FBXL7: variants seen among roughly 807,000 people sequenced by gnomAD.
FBXL7 encodes the protein F-box and leucine rich repeat protein 7, also known as F-box/LRR-repeat protein 7.
Under a neutral mutation model 38.3 loss-of-function variants are expected in FBXL7, and 12 were observed. The observed-to-expected ratio is 0.31, with a 90% CI of 0.20 to 0.51. FBXL7 has a LOEUF of 0.51. Among genes scored for constraint, FBXL7 ranks in the 20% least tolerant of loss-of-function variants. FBXL7 has a pLI of 0.98. For synonymous variants in FBXL7, 297 were observed against 300.9 expected (o/e 0.99, Z 0.13); for missense variants, 567 against 676.4 (o/e 0.84, Z 1.79).
At chr5:15,777,561 T>A (rs1177281670) in intron 2 of FBXL7, among the ~76,000 whole-genome samples, 1 of 151,858 alleles carries the variant, frequency 6.6e-6, no homozygotes, top group Non-Finnish European at 1.5e-5. Context: ...TTGTCAGACT[T>A]ATAAAATATT....
intron 2 of FBXL7, among the ~76,000 whole-genome samples, chr5:15,751,706 G>A (rs1456594624): frequency 1.3e-5 from 2 of 152,178 alleles, no homozygotes; most frequent in African/African-American, 4.8e-5. Flanking sequence ...ATATGTCAAA[G>A]GGAGGGGTGC....
intron 2 of FBXL7, among the ~76,000 whole-genome samples, chr5:15,729,665 A>G (rs1268894597): frequency 6.6e-6 from 1 of 152,184 alleles, no homozygotes; most frequent in East Asian, 1.9e-4. Flanking sequence ...TTATATATAG[A>G]CAAAAATTTT....
At chr5:15,528,050 A>T (rs191125123) in intron 1 of FBXL7, among the ~76,000 whole-genome samples, 2 of 152,322 alleles carry the variant, frequency 1.3e-5, no homozygotes, top group East Asian at 3.9e-4. Context: ...AATTATTTGG[A>T]TATGCATTTC....
intron 2 of FBXL7, among the ~76,000 whole-genome samples, chr5:15,913,081 T>C (rs1461530753): frequency 6.6e-6 from 1 of 152,152 alleles, no homozygotes; most frequent in East Asian, 1.9e-4. Context: ...CTTGGGTCAC[T>C]GGTTTTTCCA....
At chr5:15,585,391 A>G (rs58390853) in intron 1 of FBXL7, among the ~76,000 whole-genome samples, 3,478 of 152,338 alleles carry the variant, frequency 0.023, 121 homozygotes, top group African/African-American at 0.078. Flanking sequence ...TTCCAGGGAT[A>G]GAAGAGCTAC....
Position 15,938,031 on chromosome 5 carries a change from A to C in FBXL7, c.*845A>C, listed in dbSNP as rs961878880. 6.6e-6 allele frequency: 1 copy of C among 152,238 alleles called. No homozygotes were observed. The highest frequency in any genetic ancestry group is 2.4e-5 in the African/African-American group (1 of 41,446). The allele number at this position is 152,238 out of a possible 1,614,324, so 9.4% of individuals were successfully genotyped here. A position where few individuals can be genotyped will look rare whatever the true frequency, so the allele number is the denominator to read the frequency against. Reference sequence around the variant, plus strand: ...TTTCAGGAGATTGTGCAGTGCCAGCATCAGTGCATAAAGGGTCCTGTATGT... The same window carrying C: ...TTTCAGGAGATTGTGCAGTGCCAGCCTCAGTGCATAAAGGGTCCTGTATGT... On this transcript the variant is annotated 3_prime_UTR_variant, in exon 4 of 4. Coordinates refer to ENST00000504595, the MANE Select transcript of FBXL7 (RefSeq NM_012304.5).
chr5:15,586,594 TG>T (rs1190996051), intron 1 of FBXL7, among the ~76,000 whole-genome samples: 1 of 152,086 alleles, frequency 6.6e-6, no homozygotes, highest in Admixed American at 6.6e-5. Context: ...CTCTAGCTCA[TG>T]TTTCAAAAAA....
At chr5:15,916,997 C>G (rs1033040302) in intron 2 of FBXL7, among the ~76,000 whole-genome samples, 5 of 152,168 alleles carry the variant, frequency 3.3e-5, no homozygotes, top group Non-Finnish European at 7.3e-5. Flanking sequence ...TAGACTCTGC[C>G]TAAATACTCT....
chr5:15,657,722 C>T (rs1741928150), intron 2 of FBXL7, among the ~76,000 whole-genome samples: 1 of 151,946 alleles, frequency 6.6e-6, no homozygotes, highest in Non-Finnish European at 1.5e-5. Flanking sequence ...CCTATAATCC[C>T]AGGTGTTGGG....
chr5:15,813,028 G>A (rs1327583695), intron 2 of FBXL7, among the ~76,000 whole-genome samples: 1 of 152,086 alleles, frequency 6.6e-6, no homozygotes, highest in Non-Finnish European at 1.5e-5. Flanking sequence ...AGGAGATTTT[G>A]GGCTGAGATG....
chr5:15,664,461 T>C (rs1324673687), intron 2 of FBXL7, among the ~76,000 whole-genome samples: 3 of 149,590 alleles, frequency 2.0e-5, no homozygotes, highest in Non-Finnish European at 4.4e-5. Context: ...TTCTCTTTTT[T>C]TCTTTTCCTT....
At chr5:15,694,845 T>C (rs759827281) in intron 2 of FBXL7, among the ~76,000 whole-genome samples, 2 of 152,132 alleles carry the variant, frequency 1.3e-5, no homozygotes. Context: ...TTTGCAACCA[T>C]AAATGGTAAA....
At chr5:15,696,909 C>T (rs1053726993) in intron 2 of FBXL7, among the ~76,000 whole-genome samples, 2 of 152,180 alleles carry the variant, frequency 1.3e-5, no homozygotes, top group African/African-American at 2.4e-5. Flanking sequence ...TGCCCCTCCT[C>T]GCCCTTTCCC....
At chr5:15,728,306 G>C (rs925063607) in intron 2 of FBXL7, among the ~76,000 whole-genome samples, 1 of 151,814 alleles carries the variant, frequency 6.6e-6, no homozygotes, top group Non-Finnish European at 1.5e-5. Context: ...TATTAAAATT[G>C]TACATCTGAA....
At chr5:15,776,264 G>GTAAGTTTTAACC (rs1561122486) in intron 2 of FBXL7, among the ~76,000 whole-genome samples, 4 of 152,076 alleles carry the variant, frequency 2.6e-5, no homozygotes, top group Admixed American at 2.0e-4. Context: ...ATATAGATGA[G>GTAAGTTTTAACC]TATAGTAAGT....
intron 2 of FBXL7, among the ~76,000 whole-genome samples, chr5:15,654,373 G>C (rs927649657): frequency 1.3e-4 from 19 of 150,996 alleles, no homozygotes; most frequent in African/African-American, 4.1e-4. Context: ...GAAGAGGGAT[G>C]GTCTGCCTTT....
At chr5:15,778,367 C>G (rs1188720706) in intron 2 of FBXL7, among the ~76,000 whole-genome samples, 1 of 152,130 alleles carries the variant, frequency 6.6e-6, no homozygotes, top group Non-Finnish European at 1.5e-5. Flanking sequence ...CTCAACATCT[C>G]TGGCTTGGGG....
intron 2 of FBXL7, among the ~76,000 whole-genome samples, chr5:15,638,287 T>G (rs1741250677): frequency 6.6e-6 from 1 of 152,198 alleles, no homozygotes; most frequent in East Asian, 1.9e-4. Context: ...AAGGGGGAAT[T>G]GGAACATAGG....
intron 1 of FBXL7, among the ~76,000 whole-genome samples, chr5:15,577,588 T>A (rs987767504): frequency 2.2e-5 from 3 of 139,032 alleles, no homozygotes; most frequent in Admixed American, 7.7e-5. Context: ...TACTATGTAA[T>A]GCATTTTGTG....
Sources: allele counts gnomAD v4.1 joint callset (sites outside exome capture counted in the v4.1 genomes callset), GRCh38; gene constraint gnomAD v4.1.1; transcripts MANE v1.5; gene names NCBI Gene and HGNC (gene_info 2026-07-23, HGNC 2026-07-21).